ZNF573: variants seen among roughly 807,000 people sequenced by gnomAD.
ZNF573 encodes the protein zinc finger protein 573.
In ZNF573, 41 loss-of-function variants were observed where a neutral mutation model predicts 57.4. The ratio of observed to expected loss-of-function variants is 0.71; its 90% confidence interval spans 0.56 to 0.93. ZNF573 has a LOEUF of 0.93. Ranked by LOEUF, ZNF573 falls within the 40% of genes least tolerant of loss-of-function variation. ZNF573 has a pLI of 0.00. For missense variants in ZNF573, 730 were observed against 794.8 expected (o/e 0.92, Z 0.98); for synonymous variants, 249 against 261.0 (o/e 0.95, Z 0.44).
chr19:37,764,085 G>C (rs1188834869), intron 4 of ZNF573, among the ~76,000 whole-genome samples: 1 of 140,906 alleles, frequency 7.1e-6, no homozygotes, highest in South Asian at 2.3e-4. Context: ...AAAAAAAATA[G>C]AATAAAGGAA....
chr19:37,760,244 CCTT>C (rs1461544322), intron 4 of ZNF573, among the ~76,000 whole-genome samples: 29 of 151,706 alleles, frequency 1.9e-4, no homozygotes, highest in Admixed American at 6.6e-5. Flanking sequence ...AACTGGTGCT[CCTT>C]ACAGAAGTGG....
intron 4 of ZNF573, among the ~76,000 whole-genome samples, chr19:37,749,252 A>T (rs1163711895): frequency 6.6e-6 from 1 of 151,736 alleles, no homozygotes; most frequent in Admixed American, 6.6e-5. Context: ...TCTATGTGAA[A>T]GGTAATTAAC....
At chr19:37,743,094 G>A (rs1196791798) in intron 4 of ZNF573, among the ~76,000 whole-genome samples, 1 of 152,078 alleles carries the variant, frequency 6.6e-6, no homozygotes, top group African/African-American at 2.4e-5. Context: ...CAAGGCGGGT[G>A]GATCACGAGG....
At chr19:37,771,134 C>G (rs567394119) in intron 3 of ZNF573, among the ~76,000 whole-genome samples, 5 of 151,568 alleles carry the variant, frequency 3.3e-5, no homozygotes, top group Middle Eastern at 3.5e-3. Context: ...AGGGGTTCTT[C>G]TTATACTCAG....
At chr19:37,749,309 A>T (rs943410037) in intron 4 of ZNF573, among the ~76,000 whole-genome samples, 42 of 151,942 alleles carry the variant, frequency 2.8e-4, no homozygotes, top group African/African-American at 9.9e-4. Flanking sequence ...ACACACATAC[A>T]TATATACACA....
intron 4 of ZNF573, chr19:37,758,327 G>A (rs1464812075): frequency 1.4e-5 from 2 of 143,520 alleles, no homozygotes; most frequent in African/African-American, 2.6e-5. Flanking sequence ...GAGGCTGGAC[G>A]CGGTGGCTCA....
chr19:37,743,453 C>A (rs896042026), intron 4 of ZNF573, among the ~76,000 whole-genome samples: 2 of 152,040 alleles, frequency 1.3e-5, no homozygotes, highest in African/African-American at 4.8e-5. Flanking sequence ...CATCTCACAC[C>A]AGTTAGAATG....
rs1205621186 is a variant in ZNF573 at position 37,758,330 on chromosome 19, G to T, written c.295+11675C>A. On this transcript the variant is annotated intron_variant, in intron 4 of 4. Coordinates refer to ENST00000536220, the MANE Select transcript of ZNF573 (RefSeq NM_001172690.2). Reference sequence around the variant, plus strand: ...TAAAAAAAAAAAGAGGCTGGACGCGGTGGCTCACGCCTGTAATCCCAGCAC... The same window carrying T: ...TAAAAAAAAAAAGAGGCTGGACGCGTTGGCTCACGCCTGTAATCCCAGCAC... The T allele has an allele frequency of 2.1e-5, 3 of 144,820 alleles. 1 individual carries two copies. The highest frequency in any genetic ancestry group is 4.3e-4 in the South Asian group (2 of 4,624). 9.0% of individuals were successfully genotyped at this position (144,820 alleles called of 1,614,324 possible). A position where few individuals can be genotyped will look rare whatever the true frequency, so the allele number is the denominator to read the frequency against.
chr19:37,739,672 G>A lies in ZNF573; in HGVS notation c.818C>T (p.Pro273Leu). Reference sequence around the variant, plus strand: ...CTTCCCACATTCCTTACATTTATATGGTTTTTCGCCAGTATGAACTCTCTG... The same window carrying A: ...CTTCCCACATTCCTTACATTTATATAGTTTTTCGCCAGTATGAACTCTCTG... ...IHQRVHTGEK[P>L]YKCKECGKTF... The change falls in exon 5 of 5, where the codon CCA becomes CTA. Residue 273 changes from proline (P) to leucine (L), a missense_variant. By Grantham distance (98) the Pro-to-Leu change is moderately conservative. Coordinates refer to ENST00000536220, the MANE Select transcript of ZNF573 (RefSeq NM_001172690.2). The A allele has an allele frequency of 6.2e-7, 1 of 1,613,806 alleles. No individual in the cohort carries two copies. Among genetic ancestry groups the A allele is most frequent in the South Asian group, 1.1e-5 (1 of 91,022 alleles).
intron 4 of ZNF573, among the ~76,000 whole-genome samples, chr19:37,764,764 C>T (rs554880588): frequency 3.3e-5 from 5 of 151,334 alleles, no homozygotes; most frequent in South Asian, 2.1e-4. Flanking sequence ...CCACCACGCC[C>T]GACAAACTTT....
Position 37,742,914 on chromosome 19 carries a change from C to T in ZNF573, c.296-2720G>A, listed in dbSNP as rs193210543. On this transcript the variant is annotated intron_variant, in intron 4 of 4. Coordinates refer to ENST00000536220, the MANE Select transcript of ZNF573 (RefSeq NM_001172690.2). The stretch of plus-strand genomic sequence containing the variant: ...CAACCTACAGAATGGGAGAAACCTA[C>T]CCATCTGACAAAGGTCTAACATCCA... Among the ~76,000 whole-genome samples the T allele has an allele frequency of 3.1e-4, 47 of 152,078 alleles. No individual in the cohort carries two copies. The East Asian group carries it at 8.1e-3, about 26-fold the overall frequency.
At chr19:37,776,682 G>T (rs575733418) in intron 1 of ZNF573, among the ~76,000 whole-genome samples, 1 of 152,198 alleles carries the variant, frequency 6.6e-6, no homozygotes, top group Admixed American at 6.5e-5. Context: ...GAAATAATCA[G>T]CAGAGTAAAC....
At chr19:37,765,135 A>T (rs1031437033) in intron 4 of ZNF573, among the ~76,000 whole-genome samples, 3 of 151,358 alleles carry the variant, frequency 2.0e-5, no homozygotes, top group African/African-American at 7.3e-5. Context: ...TGAACTCCTG[A>T]CCTCAGGCTG....
Position 37,738,790 on chromosome 19 carries a change from G to A in ZNF573, c.1700C>T (p.Ser567Leu). ...AATGCTCTGATGTGCAGTAAGGTGT[G>A]AACTACGTCTAAAGGTCTTCCCACA... is the stretch of plus-strand genomic sequence containing the variant. ...KECGKTFRRS[S>L]HLTAHQSIHA... The change falls in exon 5 of 5, where the codon TCA becomes TTA. Residue 567 changes from serine (S) to leucine (L), a missense_variant. By Grantham distance (145) the Ser-to-Leu change is moderately radical. Coordinates refer to ENST00000536220, the MANE Select transcript of ZNF573 (RefSeq NM_001172690.2). The A allele has an allele frequency of 6.2e-7, 1 of 1,614,082 alleles. No individual in the cohort carries two copies. Among genetic ancestry groups the A allele is most frequent in the Non-Finnish European group, 8.5e-7 (1 of 1,180,014 alleles).
At chr19:37,764,477 C>T (rs1318989944) in intron 4 of ZNF573, among the ~76,000 whole-genome samples, 10 of 152,022 alleles carry the variant, frequency 6.6e-5, no homozygotes, top group Admixed American at 2.6e-4. Flanking sequence ...AGTGCCACCA[C>T]GCCCAGCTAA....
At position 37,739,723 on chromosome 19, in the gene ZNF573, C is replaced by T; in HGVS notation, c.767G>A (p.Ser256Asn). ...ATGAATTCTAAGATGTCCACCTTGA[C>T]TAAAGGCCCTCCCACACTCCTGACA... ...YECQECGRAF[S>N]QGGHLRIHQR... Residue 256 changes from serine (S) to asparagine (N), a missense_variant, in exon 5 of 5, where the codon AGT becomes AAT. Coordinates refer to ENST00000536220, the MANE Select transcript of ZNF573 (RefSeq NM_001172690.2). The T allele has an allele frequency of 6.2e-7, 1 of 1,613,742 alleles. No individual in the cohort carries two copies. The highest frequency in any genetic ancestry group is 2.2e-5 in the East Asian group (1 of 44,874).
chr19:37,769,846 T>A (rs1045346039), intron 4 of ZNF573, among the ~76,000 whole-genome samples, 159 bp downstream of exon 4: 2 of 151,592 alleles, frequency 1.3e-5, no homozygotes, highest in African/African-American at 4.8e-5. Flanking sequence ...GCTTCTTCCA[T>A]AGCTTATGCT....
chr19:37,765,897 G>A (rs1463635177), intron 4 of ZNF573, among the ~76,000 whole-genome samples: 4 of 151,458 alleles, frequency 2.6e-5, no homozygotes, highest in East Asian at 1.9e-4. Flanking sequence ...AAAATTAGCC[G>A]AGCATGGTGG....
chr19:37,750,205 C>G (rs899393642), intron 4 of ZNF573, among the ~76,000 whole-genome samples: 1 of 151,932 alleles, frequency 6.6e-6, no homozygotes, highest in Non-Finnish European at 1.5e-5. Flanking sequence ...GCCTCAATCT[C>G]CTGAGTAGCT....
Sources: allele counts gnomAD v4.1 joint callset (sites outside exome capture counted in the v4.1 genomes callset), GRCh38; gene constraint gnomAD v4.1.1; transcripts MANE v1.5; gene names NCBI Gene and HGNC (gene_info 2026-07-23, HGNC 2026-07-21).